The following AGBL1 variants were observed in gnomAD, a reference collection of about 807,000 sequenced individuals.
The protein encoded by AGBL1 is cytosolic carboxypeptidase 4.
A neutral mutation model predicts 118.9 loss-of-function variants in AGBL1; 130 were observed. The observed-to-expected ratio is 1.09, with a 90% CI of 0.95 to 1.26. The LOEUF (loss-of-function observed/expected upper bound fraction) is 1.26. Ranked by LOEUF, AGBL1 falls within the 50% of genes most tolerant of loss-of-function variation. AGBL1 has a pLI of 0.00. For synonymous variants in AGBL1, 555 were observed against 478.9 expected (o/e 1.16, Z -2.08); for missense variants, 1,584 against 1,298.1 (o/e 1.22, Z -3.38).
At chr15:86,888,235 C>T (rs1012548721) in intron 22 of AGBL1, among the ~76,000 whole-genome samples, 6 of 151,946 alleles carry the variant, frequency 3.9e-5, no homozygotes, top group African/African-American at 7.3e-5. Context: ...CTAACAAGCC[C>T]GGTGATGGGT....
At chr15:86,854,307 T>G (rs1040007819) in intron 22 of AGBL1, among the ~76,000 whole-genome samples, 12 of 152,204 alleles carry the variant, frequency 7.9e-5, no homozygotes, top group Admixed American at 6.5e-5. Context: ...TAGCTGTCCC[T>G]GGCAGAAGCC....
intron 24 of AGBL1, among the ~76,000 whole-genome samples, chr15:86,990,278 G>A (rs879495661): frequency 6.6e-6 from 1 of 152,172 alleles, no homozygotes; most frequent in African/African-American, 2.4e-5. Flanking sequence ...ACTTTGGGAG[G>A]CTGAGGCAGT....
chr15:86,779,935 A>ATG (rs35094291), intron 22 of AGBL1, among the ~76,000 whole-genome samples: 2 of 41,696 alleles, frequency 4.8e-5, no homozygotes, highest in Non-Finnish European at 2.4e-4. Flanking sequence ...ACACACACAC[A>ATG]CACACACCCC....
intron 23 of AGBL1, among the ~76,000 whole-genome samples, chr15:86,932,215 A>G (rs16978094): frequency 0.11 from 16,801 of 152,228 alleles, 1,068 homozygotes; most frequent in South Asian, 0.26. Context: ...TGTTATATCA[A>G]CTATTGCTAA....
intron 18 of AGBL1, among the ~76,000 whole-genome samples, chr15:86,471,441 CTTTG>C (rs2082477583): frequency 6.7e-6 from 1 of 149,626 alleles, no homozygotes; most frequent in Non-Finnish European, 1.5e-5. Flanking sequence ...GTTAAATTCA[CTTTG>C]TTTGTATTTT....
intron 23 of AGBL1, among the ~76,000 whole-genome samples, chr15:86,968,842 T>G (rs892759510): frequency 2.6e-5 from 4 of 151,864 alleles, no homozygotes; most frequent in Non-Finnish European, 4.4e-5. Context: ...GGCTTGTTAC[T>G]CACAGATGGA....
chr15:86,815,635 T>C (rs2078848123), intron 22 of AGBL1, among the ~76,000 whole-genome samples: 2 of 152,212 alleles, frequency 1.3e-5, no homozygotes, highest in South Asian at 2.1e-4. Flanking sequence ...ACCCAGGAGA[T>C]AAGTAGTACG....
chr15:86,146,151 A>C (rs2141661178), intron 3 of AGBL1, among the ~76,000 whole-genome samples: 1 of 152,354 alleles, frequency 6.6e-6, no homozygotes, highest in East Asian at 1.9e-4. Flanking sequence ...TATGTATAAA[A>C]TAGAGCTATC....
intron 22 of AGBL1, among the ~76,000 whole-genome samples, chr15:86,792,694 C>T (rs749241507): frequency 2.0e-5 from 3 of 152,038 alleles, no homozygotes; most frequent in Non-Finnish European, 4.4e-5. Context: ...GTAATTCCAG[C>T]ACTTTGGGAG....
chr15:86,266,172 A>T (rs997159182), intron 11 of AGBL1, among the ~76,000 whole-genome samples: 1 of 152,166 alleles, frequency 6.6e-6, no homozygotes, highest in Admixed American at 6.5e-5. Context: ...CTTCTTATGC[A>T]GTTTTATTTT....
chr15:87,009,680 C>T (rs1350407604), intron 24 of AGBL1, among the ~76,000 whole-genome samples: 2 of 152,204 alleles, frequency 1.3e-5, no homozygotes, highest in African/African-American at 2.4e-5. Flanking sequence ...GGAGGCTCTA[C>T]CCTGTGAAGC....
chr15:86,812,599 C>T (rs938337050), intron 22 of AGBL1, among the ~76,000 whole-genome samples: 7 of 152,140 alleles, frequency 4.6e-5, no homozygotes, highest in East Asian at 3.9e-4. Flanking sequence ...GATCCTGGTA[C>T]GTGCTTAAGT....
intron 18 of AGBL1, among the ~76,000 whole-genome samples, chr15:86,494,038 A>G (rs1389358377): frequency 6.6e-6 from 1 of 151,818 alleles, no homozygotes; most frequent in Non-Finnish European, 1.5e-5. Flanking sequence ...TTCTTCCTTC[A>G]TTTCTGAACC....
At chr15:86,255,291 A>C (rs2078877060) in intron 7 of AGBL1, among the ~76,000 whole-genome samples, 1 of 152,190 alleles carries the variant, frequency 6.6e-6, no homozygotes, top group Admixed American at 6.5e-5. Context: ...CCATTTGACC[A>C]GACCAAAGGG....
intron 23 of AGBL1, among the ~76,000 whole-genome samples, chr15:86,972,410 A>C (rs1250852202): frequency 6.6e-6 from 1 of 151,902 alleles, no homozygotes; most frequent in Non-Finnish European, 1.5e-5. Flanking sequence ...CAAGACATAG[A>C]CTTCATTCAG....
At chr15:86,295,510 T>G (rs941053606) in intron 17 of AGBL1, 102 bp downstream of exon 17, 1 of 1,241,018 alleles carries the variant, frequency 8.1e-7, no homozygotes, top group Admixed American at 2.6e-5. Context: ...CCATAAAGGG[T>G]TGGAGACTGT....
At chr15:86,974,541 A>C (rs1480407241) in intron 23 of AGBL1, among the ~76,000 whole-genome samples, 2 of 128,256 alleles carry the variant, frequency 1.6e-5, no homozygotes, top group African/African-American at 5.7e-5. Flanking sequence ...AATATATAAA[A>C]ATTATATAAT....
At chr15:86,493,529 G>A (rs949926192) in intron 18 of AGBL1, among the ~76,000 whole-genome samples, 1 of 151,996 alleles carries the variant, frequency 6.6e-6, no homozygotes, top group Admixed American at 6.6e-5. Context: ...TTGTCAGGTG[G>A]CATCTCTTGG....
At chr15:86,389,265 A>G (rs558970356) in intron 17 of AGBL1, among the ~76,000 whole-genome samples, 2 of 152,280 alleles carry the variant, frequency 1.3e-5, no homozygotes, top group East Asian at 3.9e-4. Flanking sequence ...GAAAACAAAA[A>G]CACACATTTC....
Sources: allele counts gnomAD v4.1 joint callset (sites outside exome capture counted in the v4.1 genomes callset), GRCh38; gene constraint gnomAD v4.1.1; transcripts MANE v1.5; gene names NCBI Gene and HGNC (gene_info 2026-07-23, HGNC 2026-07-21).